PLCH2: variants seen among roughly 807,000 people sequenced by gnomAD.
The protein encoded by PLCH2 is 1-phosphatidylinositol 4,5-bisphosphate phosphodiesterase eta-2.
A neutral mutation model predicts 134.7 loss-of-function variants in PLCH2; 98 were observed. The ratio of observed to expected loss-of-function variants is 0.73; its 90% confidence interval spans 0.62 to 0.86. The LOEUF is 0.86. Ranked by LOEUF, PLCH2 falls within the 40% of genes least tolerant of loss-of-function variation. PLCH2 has a pLI of 0.00. For synonymous variants in PLCH2, 974 were observed against 827.5 expected, an observed-to-expected ratio of 1.18 and a Z score of -3.04; for missense variants, 1,994 against 1,986.6, an observed-to-expected ratio of 1.00 and a Z score of -0.07.
chr1:2,441,722 G>A (rs756876022), intron 2 of PLCH2, among the ~76,000 whole-genome samples: 3 of 152,120 alleles, frequency 2.0e-5, no homozygotes, highest in Non-Finnish European at 4.4e-5. Context: ...TGGGAGTCCC[G>A]TGGGCCAGTG....
In PLCH2 at chr1:2,504,809, C is replaced by T. The variant is rs1242270322; in HGVS notation, c.3847C>T (p.Pro1283Ser). ...CAGACTGAGCCACAGCCTGGGCCTC[C>T]CGGGAGGGACACGGCGGGTGTCGGG... ...SRRLSHSLGLPGGTRRVSGPG... is the reference protein window; with the variant it reads ...SRRLSHSLGLSGGTRRVSGPG... Residue 1283 changes from proline to serine, a missense_variant, in exon 22 of 22, where the codon CCG becomes TCG. This residue lies in a region of PLCH2 where 900 missense variants were observed against 752.3 expected (regional missense o/e 1.20). Coordinates refer to ENST00000378486, the MANE Select transcript of PLCH2 (RefSeq NM_014638.4). 20 of 1,611,280 alleles carry T rather than the reference C, an allele frequency of 1.2e-5. No individual in the cohort carries two copies. The highest frequency in any genetic ancestry group is 1.5e-5 in the Non-Finnish European group (18 of 1,179,384).
At chr1:2,462,990 T>C (rs1181826199), upstream of PLCH2, among the ~76,000 whole-genome samples, 4 of 152,200 alleles carry the variant, frequency 2.6e-5, no homozygotes, top group African/African-American at 4.8e-5. Flanking sequence ...TGATGTTGAA[T>C]AATTAATGAA....
intron 2 of PLCH2, among the ~76,000 whole-genome samples, chr1:2,446,627 C>A (rs1182768988): frequency 6.6e-6 from 1 of 152,262 alleles, no homozygotes; most frequent in African/African-American, 2.4e-5. Context: ...AGCTAGCCAG[C>A]CGGGAGAACA....
chr1:2,489,504 C>T (rs1319587435), intron 9 of PLCH2, 126 bp downstream of exon 9: 2 of 1,010,160 alleles, frequency 2.0e-6, no homozygotes, highest in African/African-American at 1.6e-5. Context: ...GAGGGCTGGC[C>T]ACGCTCCTGA....
intron 2 of PLCH2, among the ~76,000 whole-genome samples, chr1:2,441,523 C>T (rs2100527191): frequency 6.6e-6 from 1 of 152,326 alleles, no homozygotes. Context: ...CCATCCTCCA[C>T]TCATCTGCTG....
chr1:2,420,169 C>T, the PLCH2 span, among the ~76,000 whole-genome samples: 1 of 152,084 alleles, frequency 6.6e-6, no homozygotes, highest in Admixed American at 6.5e-5. Context: ...CGCCCCAGCC[C>T]CTACCTCACA....
At chr1:2,481,093 T>TGCACACACAC (rs1553250597) in intron 4 of PLCH2, among the ~76,000 whole-genome samples, 2 of 152,100 alleles carry the variant, frequency 1.3e-5, no homozygotes, top group Non-Finnish European at 2.9e-5. Context: ...GGCACACACA[T>TGCACACACAC]GCACACACAC....
Position 2,499,559 on chromosome 1 carries a change from C to A in PLCH2, c.2582-82C>A, listed in dbSNP as rs1175087993. 10 of 1,099,828 alleles carry A rather than the reference C, an allele frequency of 9.1e-6. No individual in the cohort carries two copies. The East Asian group carries it at 2.6e-4, about 28-fold the overall frequency. 68.1% of individuals were successfully genotyped at this position (1,099,828 alleles called of 1,614,324 possible). ...TTGGGTGTATCTGGGGTCTTGGGAC[C>A]TTTAAGTAGAATGGGGGGCAGAGCA... On this transcript the variant is annotated intron_variant, in intron 19 of 21. Transcript: ENST00000378486.
chr1:2,491,767 A>G (rs879308506), intron 11 of PLCH2, among the ~76,000 whole-genome samples: 21 of 152,192 alleles, frequency 1.4e-4, no homozygotes, highest in Admixed American at 1.4e-3. Context: ...AGGAACCAGG[A>G]GCTGTGGCCG....
chr1:2,497,088 G>C, intron 15 of PLCH2, 78 bp downstream of exon 15: 2 of 1,433,912 alleles, frequency 1.4e-6, no homozygotes, highest in South Asian at 2.6e-5. Context: ...GGGGCGAGCA[G>C]GGGACCCGCT....
the PLCH2 span, among the ~76,000 whole-genome samples, chr1:2,418,526 G>A: frequency 2.6e-4 from 40 of 152,364 alleles, no homozygotes; most frequent in East Asian, 7.3e-3. Flanking sequence ...CGGCTGAATG[G>A]TGTGGGTCAT....
chr1:2,495,769 C>T lies in PLCH2; in HGVS notation c.1835+199C>T, dbSNP rs544521727. 1.7e-3 allele frequency among the ~76,000 whole-genome samples: 258 copies of T among 152,252 alleles called. 2 individuals are homozygous for T. Among genetic ancestry groups the T allele is most frequent in the Non-Finnish European group, 1.5e-3 (102 of 67,982 alleles). ...TGGCTGTGGGCAGTGGGGGCAGGGGCGGCTGAGCAGGTGGCTGGAGGGCCC... is the reference window on the plus strand; with the variant it reads ...TGGCTGTGGGCAGTGGGGGCAGGGGTGGCTGAGCAGGTGGCTGGAGGGCCC... On this transcript the variant is annotated intron_variant, in intron 13 of 21. Transcript: ENST00000378486.
intron 5 of PLCH2, 125 bp downstream of exon 5, chr1:2,484,743 A>AGCCCATCCC: frequency 9.4e-7 from 1 of 1,061,714 alleles, no homozygotes; most frequent in Non-Finnish European, 1.3e-6. Context: ...CAGGCCAGGG[A>AGCCCATCCC]TGGGCTACCT....
rs2100691149 is a variant in PLCH2 at position 2,489,742 on chromosome 1, A to G, written c.1408-18A>G. On this transcript the variant is annotated intron_variant, in intron 9 of 21. Coordinates refer to ENST00000378486, the MANE Select transcript of PLCH2 (RefSeq NM_014638.4). ...CATTTTCTCCAGGGCCCCTCCCATC[A>G]TGCACCTCCTCCCCCAGGGGAAGAA... 6.3e-7 allele frequency: 1 copy of G among 1,596,580 alleles called. No homozygotes were observed. Among genetic ancestry groups the G allele is most frequent in the Non-Finnish European group, 8.6e-7 (1 of 1,164,444 alleles).
intron 2 of PLCH2, among the ~76,000 whole-genome samples, chr1:2,438,110 AG>A (rs1340277883): frequency 6.6e-6 from 1 of 152,230 alleles, no homozygotes; most frequent in Non-Finnish European, 1.5e-5. Flanking sequence ...CCCCCAGGGC[AG>A]GGTCACACTG....
chr1:2,505,243 G>T lies in PLCH2; in HGVS notation c.*30G>T. ...CAGTGGTGGGAACCTGGGCGGCTCT[G>T]GAGGCCCAGGGCAGGGGTGGGCGTG... On this transcript the variant is annotated 3_prime_UTR_variant, in exon 22 of 22. Transcript: ENST00000378486. The T allele has an allele frequency of 6.6e-7, 1 of 1,504,352 alleles. No individual in the cohort carries two copies. Among genetic ancestry groups the T allele is most frequent in the East Asian group, 2.4e-5 (1 of 41,358 alleles). 93.2% of individuals were successfully genotyped at this position (1,504,352 alleles called of 1,614,324 possible).
chr1:2,465,935 G>A (rs2100602755), upstream of PLCH2, among the ~76,000 whole-genome samples: 1 of 152,342 alleles, frequency 6.6e-6, no homozygotes, highest in African/African-American at 2.4e-5. Context: ...GCGTGTCTGT[G>A]GCTTTCGCCT....
At position 2,495,526 on chromosome 1, in the gene PLCH2, G is replaced by A; in HGVS notation, c.1791G>A (p.Glu597=). 1 of 1,552,090 alleles carries A rather than the reference G, an allele frequency of 6.4e-7. No individual in the cohort carries two copies. Among genetic ancestry groups the A allele is most frequent in the East Asian group, 2.4e-5 (1 of 41,008 alleles). Residue 597 remains glutamate, a synonymous_variant, in exon 13 of 22, where the codon GAG becomes GAA. Transcript: ENST00000378486. ...AGCTGAAGAAGGCGGCCAGCGTGGA[G>A]GAGGGAGATGAGGGTCAGGACTCCC... ...GSKLKKAASV[E]EGDEGQDSPG...
chr1:2,434,198 G>A (rs1347162330), intron 2 of PLCH2, among the ~76,000 whole-genome samples: 1 of 152,246 alleles, frequency 6.6e-6, no homozygotes, highest in Non-Finnish European at 1.5e-5. Context: ...GGCTGGGTGT[G>A]CCAGGGGCCG....
Sources: gnomAD v4.1 joint callset for allele counts (sites outside exome capture counted in the v4.1 genomes callset) on GRCh38, gnomAD v4.1.1 for gene constraint, gnomAD v4.1.1 regional missense constraint, MANE v1.5 for transcripts, NCBI Gene and HGNC (gene_info 2026-07-23, HGNC 2026-07-21) for gene names.